SCAPER: variants seen among roughly 807,000 people sequenced by gnomAD.
The protein encoded by SCAPER is S phase cyclin A-associated protein in the endoplasmic reticulum.
SCAPER carries 98 observed loss-of-function variants against 182.2 expected under a neutral mutation model. The ratio of observed to expected loss-of-function variants is 0.54; its 90% CI spans 0.46 to 0.64. The LOEUF (loss-of-function observed/expected upper bound fraction) is 0.64, where lower values mean the gene tolerates loss of function less well. Ranked by LOEUF, SCAPER falls within the 30% of genes least tolerant of loss-of-function variation. The pLI is 0.00. For missense variants in SCAPER, 1,432 were observed against 1,690.0 expected, an observed-to-expected ratio of 0.85 and a Z score of 2.68; for synonymous variants, 605 against 564.6, an observed-to-expected ratio of 1.07 and a Z score of -1.01.
At position 76,702,866 on chromosome 15, in the gene SCAPER, G is replaced by C; in HGVS notation, c.2384C>G (p.Ser795Cys). ...ACAACCTACCAGGACATTGCAGAGAGAACACTGCTTCTTTCTTTCATAAGG... is the reference window on the plus strand; with the variant it reads ...ACAACCTACCAGGACATTGCAGAGACAACACTGCTTCTTTCTTTCATAAGG... The part of the protein sequence containing the change: ...LTPYERKKQC[S>C]LCNVLISSEV... The change falls in exon 19 of 32, where the codon TCT (serine) becomes TGT (cysteine). Residue 795 changes from serine (S) to cysteine (C), a missense_variant. Physicochemically the swap from Ser to Cys is moderately radical, Grantham distance 112 (BLOSUM62 -1). This residue lies in a region of SCAPER where 718 missense variants were observed against 799.7 expected (regional missense o/e 0.90). Coordinates refer to ENST00000563290, the MANE Select transcript of SCAPER (RefSeq NM_020843.4). The C allele has an allele frequency of 6.2e-7, 1 of 1,606,972 alleles. No individual in the cohort carries two copies. The highest frequency in any genetic ancestry group is 8.5e-7 in the Non-Finnish European group (1 of 1,178,178).
chr15:76,819,218 T>G (rs919078992), intron 5 of SCAPER, among the ~76,000 whole-genome samples: 1 of 152,232 alleles, frequency 6.6e-6, no homozygotes, highest in Non-Finnish European at 1.5e-5. Context: ...TGTCCCTCTC[T>G]GACAGCTTTG....
intron 5 of SCAPER, among the ~76,000 whole-genome samples, chr15:76,838,934 C>T (rs1018342045): frequency 2.0e-5 from 3 of 152,178 alleles, no homozygotes; most frequent in African/African-American, 7.2e-5. Flanking sequence ...GCCACCACTT[C>T]ATTAAGCACA....
intron 24 of SCAPER, among the ~76,000 whole-genome samples, chr15:76,489,713 T>C (rs1789378823): frequency 6.6e-6 from 1 of 152,204 alleles, no homozygotes. Flanking sequence ...TTGTTAACTT[T>C]AGGCACAGTG....
At chr15:76,506,394 T>C (rs2041586284) in intron 23 of SCAPER, among the ~76,000 whole-genome samples, 1 of 152,034 alleles carries the variant, frequency 6.6e-6, no homozygotes, top group Non-Finnish European at 1.5e-5. Context: ...ATAAACTATG[T>C]ACCCACAAAA....
intron 27 of SCAPER, among the ~76,000 whole-genome samples, chr15:76,396,316 G>A (rs1231727361): frequency 2.0e-5 from 3 of 152,110 alleles, no homozygotes; most frequent in Non-Finnish European, 4.4e-5. Flanking sequence ...GGTCTTTTGT[G>A]ATTCTATATA....
At chr15:76,822,484 G>GTTATC (rs2067660224) in intron 5 of SCAPER, among the ~76,000 whole-genome samples, 1 of 152,168 alleles carries the variant, frequency 6.6e-6, no homozygotes, top group Non-Finnish European at 1.5e-5. Context: ...CATATGATGG[G>GTTATC]TTATCTGCCT....
At chr15:76,438,625 T>C (rs1596619506) in intron 25 of SCAPER, among the ~76,000 whole-genome samples, 1 of 152,328 alleles carries the variant, frequency 6.6e-6, no homozygotes, top group East Asian at 1.9e-4. Flanking sequence ...AGAATCCTTG[T>C]GGCCCTGCAC....
chr15:76,807,003 G>A (rs1196252298), intron 5 of SCAPER, among the ~76,000 whole-genome samples: 1 of 152,102 alleles, frequency 6.6e-6, no homozygotes, highest in Non-Finnish European at 1.5e-5. Flanking sequence ...CATGTCATCT[G>A]CAAGTACAGT....
At chr15:76,863,995 GCCATTTTGGACATT>G (rs1179766163) in intron 2 of SCAPER, among the ~76,000 whole-genome samples, 1 of 152,096 alleles carries the variant, frequency 6.6e-6, no homozygotes, top group Non-Finnish European at 1.5e-5. Context: ...GTGTGAGTGA[GCCATTTTGGACATT>G]CCAGCCCAGC....
intron 23 of SCAPER, among the ~76,000 whole-genome samples, chr15:76,538,244 C>A (rs1386320181): frequency 6.7e-6 from 1 of 148,936 alleles, no homozygotes; most frequent in Non-Finnish European, 1.5e-5. Context: ...ATAAATCATG[C>A]TGCTATAAAG....
At chr15:76,572,889 ACTCTCTCT>A (rs111882465) in intron 23 of SCAPER, among the ~76,000 whole-genome samples, 18 of 142,930 alleles carry the variant, frequency 1.3e-4, no homozygotes, top group Admixed American at 7.8e-4. Context: ...GCTTGCGTGC[ACTCTCTCT>A]CTCTCTCTCT....
At chr15:76,488,057 AC>A (rs1473610786) in intron 24 of SCAPER, among the ~76,000 whole-genome samples, 6 of 152,168 alleles carry the variant, frequency 3.9e-5, no homozygotes, top group Admixed American at 6.5e-5. Context: ...AAGATAAAAT[AC>A]CTTCTGAATT....
chr15:76,661,302 C>T (rs988418461), intron 21 of SCAPER, among the ~76,000 whole-genome samples: 7 of 152,116 alleles, frequency 4.6e-5, no homozygotes, highest in South Asian at 2.1e-4. Context: ...CCAAAAGCAA[C>T]TGCAACAAAA....
intron 27 of SCAPER, among the ~76,000 whole-genome samples, chr15:76,395,854 T>G (rs996707620): frequency 6.6e-6 from 1 of 152,194 alleles, no homozygotes; most frequent in Non-Finnish European, 1.5e-5. Flanking sequence ...CTTGATGTGA[T>G]CCCATTTATC....
chr15:76,416,352 G>C (rs1387853017), intron 26 of SCAPER, among the ~76,000 whole-genome samples: 1 of 151,798 alleles, frequency 6.6e-6, no homozygotes, highest in Admixed American at 6.6e-5. Flanking sequence ...AGCCAGGCGA[G>C]ATGGCACATG....
At chr15:76,827,112 T>C (rs1043923921) in intron 5 of SCAPER, among the ~76,000 whole-genome samples, 9 of 152,214 alleles carry the variant, frequency 5.9e-5, no homozygotes, top group Admixed American at 5.9e-4. Flanking sequence ...CTCCAGTTAC[T>C]ATTCTTCCAC....
At chr15:76,843,509 A>G in intron 4 of SCAPER, among the ~76,000 whole-genome samples, 1 of 152,242 alleles carries the variant, frequency 6.6e-6, no homozygotes, top group East Asian at 1.9e-4. Context: ...AGCGTTTGAC[A>G]TGCATCTAGC....
At chr15:76,605,669 G>A (rs147479347) in intron 22 of SCAPER, among the ~76,000 whole-genome samples, 9,730 of 151,786 alleles carry the variant, frequency 0.064, 344 homozygotes, top group Middle Eastern at 0.1. Context: ...TTCTTTGGTT[G>A]GTAAGCTATT....
chr15:76,865,661 G>A (rs1568368829), intron 2 of SCAPER, among the ~76,000 whole-genome samples: 1 of 152,122 alleles, frequency 6.6e-6, no homozygotes, highest in Admixed American at 6.6e-5. Flanking sequence ...AAATCTGTGA[G>A]TGACAGGAAA....
Sources: gnomAD v4.1 joint callset for allele counts (sites outside exome capture counted in the v4.1 genomes callset) on GRCh38, gnomAD v4.1.1 for gene constraint, gnomAD v4.1.1 regional missense constraint, MANE v1.5 for transcripts, NCBI Gene and HGNC (gene_info 2026-07-23, HGNC 2026-07-21) for gene names.